RFLNA: variants seen among roughly 807,000 people sequenced by gnomAD.
The protein encoded by RFLNA is refilin A, also known as refilin-A.
Under a neutral mutation model 7.8 loss-of-function variants are expected in RFLNA, and 5 were observed. That is an observed-to-expected ratio of 0.64 (90% CI 0.34 to 1.35). The LOEUF (loss-of-function observed/expected upper bound fraction) is 1.35, where lower values mean the gene tolerates loss of function less well. RFLNA is among the 40% of genes most tolerant of loss of function. The probability of loss-of-function intolerance (pLI) is 0.04; values close to 1 mark genes in which losing one functional copy is unlikely to be tolerated. For missense variants in RFLNA, 278 were observed against 305.5 expected (o/e 0.91, Z 0.67); for synonymous variants, 141 against 131.3 (o/e 1.07, Z -0.50).
chr12:124,305,311 ACT>A (rs1417897561), intron 1 of RFLNA, among the ~76,000 whole-genome samples: 1 of 152,034 alleles, frequency 6.6e-6, no homozygotes, highest in Non-Finnish European at 1.5e-5. Context: ...GCTGGCTCTG[ACT>A]CAGCTGTGCC....
At chr12:124,296,104 C>T (rs916731646) in intron 1 of RFLNA, among the ~76,000 whole-genome samples, 2 of 5,014 alleles carry the variant, frequency 4.0e-4, no homozygotes, top group East Asian at 0.017. Flanking sequence ...TTCTTTCTTT[C>T]TTTCTTTCTT....
At chr12:124,303,673 G>T (rs1330817052) in intron 1 of RFLNA, among the ~76,000 whole-genome samples, 1 of 152,248 alleles carries the variant, frequency 6.6e-6, no homozygotes, top group Admixed American at 6.5e-5. Context: ...ACCAGCCTGT[G>T]TCTTGGGCAT....
upstream of RFLNA, among the ~76,000 whole-genome samples, chr12:124,291,109 A>C (rs1345645378): frequency 6.6e-6 from 1 of 152,176 alleles, no homozygotes; most frequent in Non-Finnish European, 1.5e-5. Context: ...ACTGGGACCC[A>C]CTGACAGCCT....
intron 1 of RFLNA, among the ~76,000 whole-genome samples, chr12:124,311,179 T>C (rs1310383147): frequency 1.3e-5 from 2 of 152,208 alleles, no homozygotes. Context: ...TACACGCCCA[T>C]GTCCAATCCA....
rs79731518 is a variant in RFLNA at position 124,304,361 on chromosome 12, C to T, written c.208-7457C>T. Among the ~76,000 whole-genome samples the T allele has an allele frequency of 6.6e-4, 100 of 152,370 alleles. 1 individual carries two copies. The South Asian group carries it at 0.012, about 19-fold the overall frequency. On this transcript the variant is annotated intron_variant, in intron 1 of 2. Coordinates refer to ENST00000546355, the MANE Select transcript of RFLNA (RefSeq NM_001365156.1). ...ACGGCTTCTGGTGTCTCCTGCCCAG[C>T]GCTTCCAGCTTGGGTGGACTTTAGG...
At chr12:124,312,293 C>T (rs1452182644) in intron 2 of RFLNA, among the ~76,000 whole-genome samples, 1 of 150,808 alleles carries the variant, frequency 6.6e-6, no homozygotes, top group African/African-American at 2.4e-5. Flanking sequence ...TGCACCCTAA[C>T]TCTACCTCCC....
rs1228890221 is a variant in RFLNA at position 124,295,122 on chromosome 12, G to C, written c.-308G>C. ...AGGGCCGGGCGGCAACGTGCGCCTC[G>C]GGGCTGGGCCGGCCTGCGGGATCGC... is the stretch of plus-strand genomic sequence containing the variant. On this transcript the variant is annotated 5_prime_UTR_variant, in exon 1 of 3. Transcript: ENST00000546355. The C allele has an allele frequency of 6.6e-6, 1 of 152,042 alleles. No homozygotes were observed. The highest frequency in any genetic ancestry group is 1.5e-5 in the Non-Finnish European group (1 of 67,944). 9.4% of individuals were successfully genotyped at this position (152,042 alleles called of 1,614,324 possible).
At position 124,311,802 on chromosome 12, in the gene RFLNA, C is replaced by A. The variant is rs1407527718; in HGVS notation, c.208-16C>A. 6.4e-7 allele frequency: 1 copy of A among 1,561,362 alleles called. No individual in the cohort carries two copies. The highest frequency in any genetic ancestry group is 8.7e-7 in the Non-Finnish European group (1 of 1,153,834). ...CAAGGGGCTGCATAACCCCGTGTCC[C>A]TGGCTCTCCCCACAGCCCCCCTCCC... On this transcript the variant is annotated splice_polypyrimidine_tract_variant and intron_variant, in intron 1 of 2. Transcript: ENST00000546355.
Position 124,314,382 on chromosome 12 carries a change from A to G in RFLNA, c.508A>G (p.Ile170Val), listed in dbSNP as rs371624766. The G allele has an allele frequency of 1.9e-5, 31 of 1,611,962 alleles. No homozygotes were observed. The East Asian group carries it at 4.2e-4, about 22-fold the overall frequency. Residue 170 changes from isoleucine (I) to valine (V), a missense_variant, in exon 3 of 3, where the codon ATC (isoleucine) becomes GTC (valine). Transcript: ENST00000546355. ...CCTGCGCTTCCGCAGCACCACCATC[A>G]TCTTCCCCAAGCATGCCAGGAGCAC... ...RALRFRSTTI[I>V]FPKHARSTFR...
upstream of RFLNA, among the ~76,000 whole-genome samples, chr12:124,294,172 C>T (rs1270229878): frequency 2.6e-5 from 4 of 152,190 alleles, no homozygotes; most frequent in East Asian, 1.9e-4. Context: ...TTCTGACACC[C>T]GGCTTCCCGC....
intron 1 of RFLNA, among the ~76,000 whole-genome samples, chr12:124,296,400 C>T (rs115024019): frequency 4.6e-5 from 7 of 150,906 alleles, no homozygotes; most frequent in African/African-American, 1.7e-4. Flanking sequence ...GACTGGGCAC[C>T]CCCCGGCAGG....
chr12:124,300,616 AAGAATGGG>A, intron 1 of RFLNA, among the ~76,000 whole-genome samples: 1 of 151,530 alleles, frequency 6.6e-6, no homozygotes, highest in Non-Finnish European at 1.5e-5. Context: ...GGATGGACAG[AAGAATGGG>A]TGGATGGATG....
Position 124,310,400 on chromosome 12 carries a change from G to C in RFLNA, c.208-1418G>C, listed in dbSNP as rs111808446. Among the ~76,000 whole-genome samples, 125 of 151,824 alleles carry C rather than the reference G, an allele frequency of 8.2e-4. 1 individual carries two copies. The highest frequency in any genetic ancestry group is 2.8e-3 in the African/African-American group (117 of 41,450). On this transcript the variant is annotated intron_variant, in intron 1 of 2. Coordinates refer to ENST00000546355, the MANE Select transcript of RFLNA (RefSeq NM_001365156.1). The stretch of plus-strand genomic sequence containing the variant: ...AGAGTGGGGTAGGGGGAGGGCAGAA[G>C]TGTCACCATGTTGGCATGAGGAGAG...
chr12:124,311,959 AG>A, intron 2 of RFLNA, 32 bp downstream of exon 2: 5 of 239,986 alleles, frequency 2.1e-5, no homozygotes, highest in Middle Eastern at 7.9e-4. Context: ...GCGCGGGAGG[AG>A]GGGGTGGGGG....
intron 1 of RFLNA, among the ~76,000 whole-genome samples, chr12:124,310,186 A>AAAAAAAAAAAAAAC: frequency 6.9e-6 from 1 of 144,930 alleles, no homozygotes; most frequent in Non-Finnish European, 1.5e-5. Flanking sequence ...AAAAAAAAAA[A>AAAAAAAAAAAAAAC]AAAAAAAAAA....
intron 1 of RFLNA, among the ~76,000 whole-genome samples, chr12:124,307,354 T>G (rs2034154240): frequency 6.6e-6 from 1 of 152,116 alleles, no homozygotes; most frequent in South Asian, 2.1e-4. Context: ...GAAAGGGAGC[T>G]TCTTCCCCCA....
chr12:124,301,113 C>A (rs75278531), intron 1 of RFLNA, among the ~76,000 whole-genome samples: 17,054 of 152,102 alleles, frequency 0.11, 1,108 homozygotes, highest in East Asian at 0.3. Context: ...TGGAAGACAG[C>A]CAGGTATGTC....
chr12:124,292,945 A>G (rs1048403900), upstream of RFLNA, among the ~76,000 whole-genome samples: 4 of 152,232 alleles, frequency 2.6e-5, no homozygotes, highest in Admixed American at 2.0e-4. Flanking sequence ...TTATTTTGAG[A>G]CAGAGTCTTG....
intron 2 of RFLNA, 25 bp downstream of exon 2, chr12:124,311,952 C>T (rs374813587): frequency 7.8e-4 from 262 of 336,914 alleles, no homozygotes; most frequent in African/African-American, 2.1e-3. Context: ...GGGCTCTGCG[C>T]GGGAGGAGGG....
Sources: gnomAD v4.1 joint callset for allele counts (sites outside exome capture counted in the v4.1 genomes callset) on GRCh38, gnomAD v4.1.1 for gene constraint, MANE v1.5 for transcripts, NCBI Gene and HGNC (gene_info 2026-07-23, HGNC 2026-07-21) for gene names.